Variants in SLC8A1 observed in about 807,000 individuals in gnomAD.
SLC8A1 encodes sodium/calcium exchanger 1.
A neutral mutation model predicts 68.3 loss-of-function variants in SLC8A1; 18 were observed. The ratio of observed to expected loss-of-function variants is 0.26; its 90% CI spans 0.18 to 0.39. The LOEUF is 0.39. Among genes scored for constraint, SLC8A1 ranks in the 10% least tolerant of loss-of-function variants. The pLI is 1.00. For synonymous variants in SLC8A1, 475 were observed against 415.5 expected, an observed-to-expected ratio of 1.14 and a Z score of -1.74; for missense variants, 985 against 1,156.7, an observed-to-expected ratio of 0.85 and a Z score of 2.15.
intron 2 of SLC8A1, among the ~76,000 whole-genome samples, chr2:40,212,791 T>C (rs1213274201): frequency 6.6e-6 from 1 of 152,254 alleles, no homozygotes; most frequent in Non-Finnish European, 1.5e-5. Flanking sequence ...AGAGTATTGC[T>C]TGAACTCAGA....
At chr2:40,276,646 G>C (rs919409750) in intron 2 of SLC8A1, among the ~76,000 whole-genome samples, 1 of 152,152 alleles carries the variant, frequency 6.6e-6, no homozygotes, top group African/African-American at 2.4e-5. Flanking sequence ...TTGCAGTCAA[G>C]GGCAGTACTC....
intron 1 of SLC8A1, among the ~76,000 whole-genome samples, chr2:40,465,948 G>A (rs1309682278): frequency 6.6e-6 from 1 of 152,082 alleles, no homozygotes; most frequent in Non-Finnish European, 1.5e-5. Context: ...TCTGCCATGT[G>A]AGGACACAGT....
At chr2:40,115,300 T>C (rs1467617389) in exon 8 of SLC8A1, 2 of 1,613,452 alleles carry the variant, frequency 1.2e-6, no homozygotes, top group Admixed American at 1.7e-5. Context: ...GAGAAGAAAA[T>C]GTACAAGAGC....
At chr2:40,257,279 A>G (rs1466766639) in intron 2 of SLC8A1, among the ~76,000 whole-genome samples, 2 of 152,148 alleles carry the variant, frequency 1.3e-5, no homozygotes, top group Non-Finnish European at 2.9e-5. Flanking sequence ...CCTTCCTAAC[A>G]CGCAAGCATA....
chr2:40,215,175 T>A (rs2057264095), intron 2 of SLC8A1, among the ~76,000 whole-genome samples: 1 of 152,102 alleles, frequency 6.6e-6, no homozygotes, highest in African/African-American at 2.4e-5. Flanking sequence ...TTATTAATAT[T>A]ATTATCTTTA....
chr2:40,338,524 G>A (rs1018157261), intron 2 of SLC8A1, among the ~76,000 whole-genome samples: 5 of 152,042 alleles, frequency 3.3e-5, no homozygotes, highest in African/African-American at 1.2e-4. Context: ...ACAAACCATG[G>A]TCTTTGATTT....
intron 6 of SLC8A1, among the ~76,000 whole-genome samples, chr2:40,147,991 A>T (rs944572553): frequency 1.3e-5 from 2 of 152,240 alleles, no homozygotes; most frequent in Non-Finnish European, 2.9e-5. Context: ...TATGAGATCT[A>T]AAACTCTGTC....
chr2:40,446,672 G>A (rs1364997081), intron 1 of SLC8A1: 1 of 151,770 alleles, frequency 6.6e-6, no homozygotes, highest in Non-Finnish European at 1.5e-5. Flanking sequence ...ACAGTGTAGA[G>A]CATGGCTTTT....
chr2:40,335,362 A>T (rs1665623389), intron 2 of SLC8A1, among the ~76,000 whole-genome samples: 1 of 152,206 alleles, frequency 6.6e-6, no homozygotes, highest in Non-Finnish European at 1.5e-5. Flanking sequence ...CCATATATTG[A>T]TGTATTTCAA....
At chr2:40,178,695 C>T (rs2048916358) in intron 2 of SLC8A1, among the ~76,000 whole-genome samples, 1 of 152,140 alleles carries the variant, frequency 6.6e-6, no homozygotes, top group Non-Finnish European at 1.5e-5. Context: ...CATAGCTCCC[C>T]TGAGCAGGGC....
intron 2 of SLC8A1, among the ~76,000 whole-genome samples, chr2:40,257,729 T>C (rs1171186085): frequency 1.3e-5 from 2 of 152,228 alleles, no homozygotes; most frequent in Non-Finnish European, 1.5e-5. Context: ...TTTCTCTGCA[T>C]GTTCCTCAGT....
intron 2 of SLC8A1, among the ~76,000 whole-genome samples, chr2:40,364,345 C>T (rs1003418613): frequency 1.2e-4 from 18 of 151,418 alleles, no homozygotes; most frequent in Admixed American, 9.9e-4. Flanking sequence ...GCAATCACTA[C>T]GAGTTTGTGT....
intron 3 of SLC8A1, among the ~76,000 whole-genome samples, chr2:40,176,335 T>C (rs2148550048): frequency 1.3e-5 from 2 of 152,328 alleles, no homozygotes; most frequent in Middle Eastern, 6.8e-3. Context: ...CATATTTTAC[T>C]AAAACGGCAA....
chr2:40,152,688 T>G (rs906158374), intron 6 of SLC8A1, among the ~76,000 whole-genome samples: 1 of 151,894 alleles, frequency 6.6e-6, no homozygotes, highest in Non-Finnish European at 1.5e-5. Flanking sequence ...AGTGCTGGGA[T>G]TACAAGTGTG....
chr2:40,311,976 T>A (rs1193360592), intron 2 of SLC8A1, among the ~76,000 whole-genome samples: 4 of 152,102 alleles, frequency 2.6e-5, no homozygotes, highest in Non-Finnish European at 5.9e-5. Context: ...CTTGACCTAC[T>A]CCCCTTCCCT....
intron 2 of SLC8A1, among the ~76,000 whole-genome samples, chr2:40,306,980 A>C (rs997563416): frequency 9.2e-5 from 14 of 152,206 alleles, no homozygotes; most frequent in African/African-American, 3.4e-4. Flanking sequence ...AAGTTGAAAA[A>C]AATCAATATA....
intron 2 of SLC8A1, among the ~76,000 whole-genome samples, chr2:40,355,934 C>T (rs751309482): frequency 2.0e-5 from 3 of 152,162 alleles, no homozygotes; most frequent in Admixed American, 6.5e-5. Flanking sequence ...CTCTGCTTTG[C>T]CCCTTGGCCC....
chr2:40,400,991 G>A (rs1559531030), intron 2 of SLC8A1, among the ~76,000 whole-genome samples: 1 of 152,160 alleles, frequency 6.6e-6, no homozygotes, highest in Admixed American at 6.5e-5. Context: ...GCCACGAGGA[G>A]GAGGACATCT....
intron 2 of SLC8A1, among the ~76,000 whole-genome samples, chr2:40,417,400 C>G (rs906336624): frequency 6.6e-6 from 1 of 152,152 alleles, no homozygotes; most frequent in Admixed American, 6.6e-5. Context: ...AAAACATAAT[C>G]AAGACATGTT....
Sources: allele counts gnomAD v4.1 joint callset (sites outside exome capture counted in the v4.1 genomes callset), GRCh38; gene constraint gnomAD v4.1.1; transcripts MANE v1.5; gene names NCBI Gene and HGNC (gene_info 2026-07-23, HGNC 2026-07-21).